ATPAF1: variants seen among roughly 807,000 people sequenced by gnomAD.
ATPAF1 encodes ATP synthase mitochondrial F1 complex assembly factor 1.
ATPAF1 carries 26 observed loss-of-function variants against 43.9 expected under a neutral mutation model. The ratio of observed to expected loss-of-function variants is 0.59; its 90% CI spans 0.43 to 0.82. The LOEUF is 0.82. ATPAF1 is among the 40% of genes least tolerant of loss of function. The probability of loss-of-function intolerance (pLI) is 0.00; values close to 1 mark genes in which losing one functional copy is unlikely to be tolerated. For missense variants in ATPAF1, 366 were observed against 435.0 expected, an observed-to-expected ratio of 0.84 and a Z score of 1.41; for synonymous variants, 157 against 168.0, an observed-to-expected ratio of 0.93 and a Z score of 0.50.
Position 46,663,932 on chromosome 1 carries a change from G to C in ATPAF1, c.375+1324C>G, listed in dbSNP as rs976384858. ...TTGTTCTGTGCACCATCCTAGGTTAGAATTTTTCAAATAATAGGTTGTGAA... is the reference window on the plus strand; with the variant it reads ...TTGTTCTGTGCACCATCCTAGGTTACAATTTTTCAAATAATAGGTTGTGAA... On this transcript the variant is annotated intron_variant, in intron 2 of 8. Coordinates refer to ENST00000574428, the Ensembl canonical transcript of ATPAF1. 1.7e-5 allele frequency: 22 copies of C among 1,275,660 alleles called. No individual in the cohort carries two copies. The African/African-American group carries it at 3.4e-4, about 19-fold the overall frequency. 79.0% of individuals were successfully genotyped at this position (1,275,660 alleles called of 1,614,324 possible).
intron 4 of ATPAF1, among the ~76,000 whole-genome samples, chr1:46,654,528 T>TTTATTA (rs57700546): frequency 0.51 from 68,880 of 134,978 alleles, 18,783 homozygotes; most frequent in Middle Eastern, 0.67. Context: ...TATTTATTTA[T>TTTATTA]TTATTATTAT....
At chr1:46,635,835 A>G (rs758248555) in exon 9 of ATPAF1, 9 of 1,614,214 alleles carry the variant, frequency 5.6e-6, no homozygotes, top group Non-Finnish European at 6.8e-6. Context: ...CTTTGCTCCA[A>G]TTCAGCGATG....
At chr1:46,652,205 CA>C (rs10718568) in intron 6 of ATPAF1, among the ~76,000 whole-genome samples, 49,439 of 109,658 alleles carry the variant, frequency 0.45, 9,352 homozygotes, top group East Asian at 0.77. Flanking sequence ...ATAATAAAAG[CA>C]AAAAAAAAAA....
At chr1:46,664,267 C>T (rs986082654) in intron 2 of ATPAF1, among the ~76,000 whole-genome samples, 16 of 152,142 alleles carry the variant, frequency 1.1e-4, no homozygotes, top group African/African-American at 1.9e-4. Context: ...ATGCCAGAGA[C>T]GGCGCTAAAG....
At chr1:46,656,386 T>C (rs1432539075) in intron 4 of ATPAF1, among the ~76,000 whole-genome samples, 4 of 152,126 alleles carry the variant, frequency 2.6e-5, no homozygotes, top group African/African-American at 7.2e-5. Flanking sequence ...CAATTGAAGA[T>C]ACTAATCAAA....
chr1:46,647,945 G>A (rs903323485), intron 6 of ATPAF1, among the ~76,000 whole-genome samples: 3 of 152,060 alleles, frequency 2.0e-5, no homozygotes, highest in African/African-American at 7.2e-5. Context: ...TTGATAAAAT[G>A]TTCAAATCCT....
chr1:46,660,338 CA>C (rs928080784), intron 2 of ATPAF1, among the ~76,000 whole-genome samples: 14 of 152,156 alleles, frequency 9.2e-5, no homozygotes, highest in Admixed American at 7.2e-4. Flanking sequence ...AAAAACAAAA[CA>C]AAACCTCCAC....
At chr1:46,655,854 C>T (rs1451369927) in intron 4 of ATPAF1, among the ~76,000 whole-genome samples, 1 of 152,132 alleles carries the variant, frequency 6.6e-6, no homozygotes, top group Non-Finnish European at 1.5e-5. Flanking sequence ...TATTTATTTC[C>T]TCCCCCTTGC....
intron 8 of ATPAF1, 135 bp from the exon 9 acceptor site, chr1:46,636,105 T>A (rs773238158): frequency 2.5e-5 from 23 of 918,276 alleles, no homozygotes; most frequent in Non-Finnish European, 4.0e-5. Context: ...TTGAAGTCCC[T>A]AGTCTTGGTT....
Position 46,643,309 on chromosome 1 carries a change from G to A in ATPAF1, c.685-8C>T. On this transcript the variant is annotated splice_polypyrimidine_tract_variant and splice_region_variant and intron_variant, in intron 7 of 8. Transcript: ENST00000574428. Reference sequence around the variant, plus strand: ...TGCAGCTTCCCCTCGGGTCTGCAAGGTGGAACACTTATCAAGGCTCAATAA... The same window carrying A: ...TGCAGCTTCCCCTCGGGTCTGCAAGATGGAACACTTATCAAGGCTCAATAA... 1 of 1,599,724 alleles carries A rather than the reference G, an allele frequency of 6.3e-7. No individual in the cohort carries two copies. Among genetic ancestry groups the A allele is most frequent in the East Asian group, 2.2e-5 (1 of 44,800 alleles).
intron 2 of ATPAF1, among the ~76,000 whole-genome samples, chr1:46,661,536 T>C (rs1676387284): frequency 6.6e-6 from 1 of 152,250 alleles, no homozygotes; most frequent in South Asian, 2.1e-4. Context: ...AAAATATGTA[T>C]TTTGTTAAAA....
At chr1:46,650,946 A>ACTATGGAG (rs1676155004) in intron 6 of ATPAF1, among the ~76,000 whole-genome samples, 2 of 152,148 alleles carry the variant, frequency 1.3e-5, no homozygotes, top group East Asian at 3.8e-4. Context: ...GTTCTACGGC[A>ACTATGGAG]CTATGGAGTA....
At chr1:46,643,343 C>T in intron 7 of ATPAF1, 42 bp from the exon 8 acceptor site, 1 of 1,464,852 alleles carries the variant, frequency 6.8e-7, no homozygotes, top group Non-Finnish European at 9.5e-7. Context: ...AAGGTACCAT[C>T]ACAACAAACT....
rs375698724 is a variant in ATPAF1, at chr1:46,654,527, A to AT, written c.490-661dup. ...CTGAGACTGGGCAATTTATTTATTT[A>AT]TTTATTATTATTATTATTATTATTA... On this transcript the variant is annotated intron_variant, in intron 4 of 8. Coordinates refer to ENST00000574428, the Ensembl canonical transcript of ATPAF1. 7.0e-5 allele frequency among the ~76,000 whole-genome samples: 6 copies of AT among 85,190 alleles called. No individual in the cohort carries two copies. In the South Asian group the frequency reaches 1.8e-3, roughly 25 times the overall value. 55.9% of individuals were successfully genotyped at this position (85,190 alleles called of 152,430 possible).
intron 3 of ATPAF1, 23 bp downstream of exon 3, chr1:46,658,664 C>CCTATATTTAGGAAAAAAATTT: frequency 6.4e-7 from 1 of 1,567,356 alleles, no homozygotes; most frequent in Non-Finnish European, 8.7e-7. Context: ...AGCTTTTTTT[C>CCTATATTTAGGAAAAAAATTT]CTATATTTAA....
At chr1:46,638,458 A>C (rs1471220223) in intron 8 of ATPAF1, among the ~76,000 whole-genome samples, 2 of 152,016 alleles carry the variant, frequency 1.3e-5, no homozygotes, top group African/African-American at 4.8e-5. Flanking sequence ...CTCTACTACA[A>C]ATACAAAAAC....
intron 6 of ATPAF1, among the ~76,000 whole-genome samples, chr1:46,649,906 A>G (rs1676132096): frequency 6.6e-6 from 1 of 152,196 alleles, no homozygotes; most frequent in Non-Finnish European, 1.5e-5. Context: ...AGCCTGGGCA[A>G]CACTGTAAGA....
intron 6 of ATPAF1, among the ~76,000 whole-genome samples, chr1:46,645,666 A>G (rs1436690303): frequency 2.0e-5 from 3 of 152,160 alleles, no homozygotes; most frequent in African/African-American, 7.2e-5. Flanking sequence ...CCCAGCCTAA[A>G]ACATTTTTTT....
At chr1:46,638,370 G>A (rs1675879264) in intron 8 of ATPAF1, among the ~76,000 whole-genome samples, 1 of 152,214 alleles carries the variant, frequency 6.6e-6, no homozygotes, top group Admixed American at 6.5e-5. Context: ...TATAATCCCA[G>A]CACTTTGGGA....
Sources: gnomAD v4.1 joint callset for allele counts (sites outside exome capture counted in the v4.1 genomes callset) on GRCh38, gnomAD v4.1.1 for gene constraint, MANE v1.5 for transcripts, NCBI Gene and HGNC (gene_info 2026-07-23, HGNC 2026-07-21) for gene names.